The following XYLT1 variants were observed in gnomAD, a reference collection of about 807,000 sequenced individuals.
The protein encoded by XYLT1 is beta-D-xylosyltransferase 1.
A neutral mutation model predicts 91.3 loss-of-function variants in XYLT1; 36 were observed. The observed-to-expected ratio is 0.39, with a 90% CI of 0.30 to 0.52. The LOEUF (loss-of-function observed/expected upper bound fraction) is 0.52, where lower values mean the gene tolerates loss of function less well. Among genes scored for constraint, XYLT1 ranks in the 20% least tolerant of loss-of-function variants. The pLI is 0.68. For synonymous variants in XYLT1, 588 were observed against 532.0 expected, an observed-to-expected ratio of 1.11 and a Z score of -1.45; for missense variants, 1,242 against 1,284.5, an observed-to-expected ratio of 0.97 and a Z score of 0.51.
chr16:17,247,041 G>A lies in XYLT1; in HGVS notation c.913+11947C>T, dbSNP rs1343021014. Among the ~76,000 whole-genome samples, 4 of 151,568 alleles carry A rather than the reference G, an allele frequency of 2.6e-5. No individual in the cohort carries two copies. In the South Asian group the frequency reaches 6.3e-4, roughly 24 times the overall value. ...GGCATTGATATGAATTCCTAGCCCT[G>A]GACTGCCAAGTAATTTGAGAGAGGA... On this transcript the variant is annotated intron_variant, in intron 3 of 11. Coordinates refer to ENST00000261381, the MANE Select transcript of XYLT1 (RefSeq NM_022166.4).
In XYLT1 at chr16:17,203,219, TGTAA is replaced by T. The variant is rs139466593; in HGVS notation, c.914-2569_914-2566del. Among the ~76,000 whole-genome samples the T allele has an allele frequency of 9.6e-3, 1,457 of 152,344 alleles. 25 individuals carry two copies. The highest frequency in any genetic ancestry group is 0.033 in the African/African-American group (1,377 of 41,586). On this transcript the variant is annotated intron_variant, in intron 3 of 11. Transcript: ENST00000261381. ...GTTGCTTGTTGCTAACCAAATACTT[TGTAA>T]GTTAGTTATTGCAGGCAGGTAGGCA...
At chr16:17,379,798 T>C (rs1362396136) in intron 1 of XYLT1, among the ~76,000 whole-genome samples, 1 of 94,848 alleles carries the variant, frequency 1.1e-5, no homozygotes, top group African/African-American at 4.7e-5. Context: ...CACACACCCC[T>C]TACCTCCAGA....
chr16:17,381,691 T>G (rs1227626978), intron 1 of XYLT1, among the ~76,000 whole-genome samples: 1 of 152,120 alleles, frequency 6.6e-6, no homozygotes, highest in African/African-American at 2.4e-5. Flanking sequence ...CCTCCCAAAG[T>G]GCTGGGAATA....
chr16:17,225,951 C>T (rs947063085), intron 3 of XYLT1, among the ~76,000 whole-genome samples: 3 of 152,004 alleles, frequency 2.0e-5, no homozygotes, highest in African/African-American at 7.2e-5. Flanking sequence ...TTACCTTACC[C>T]CTAAGAACAT....
chr16:17,466,277 T>C (rs2036895596), intron 1 of XYLT1, among the ~76,000 whole-genome samples: 1 of 152,214 alleles, frequency 6.6e-6, no homozygotes, highest in Non-Finnish European at 1.5e-5. Context: ...CAACCTCACC[T>C]GTGCAGTCCA....
At chr16:17,370,016 A>G (rs2141873625) in intron 1 of XYLT1, among the ~76,000 whole-genome samples, 1 of 152,246 alleles carries the variant, frequency 6.6e-6, no homozygotes, top group African/African-American at 2.4e-5. Flanking sequence ...ATGGCCTGGG[A>G]TAGAACATCC....
intron 9 of XYLT1, among the ~76,000 whole-genome samples, chr16:17,133,047 A>G (rs1312587919): frequency 2.0e-5 from 3 of 152,074 alleles, no homozygotes; most frequent in Non-Finnish European, 4.4e-5. Context: ...TGACTTGCCC[A>G]AGGTCAATAG....
At chr16:17,391,794 G>T (rs1048770611) in intron 1 of XYLT1, among the ~76,000 whole-genome samples, 6 of 152,148 alleles carry the variant, frequency 3.9e-5, no homozygotes, top group Non-Finnish European at 8.8e-5. Flanking sequence ...AGTCATGGGG[G>T]TAGTTTCCCC....
intron 6 of XYLT1, among the ~76,000 whole-genome samples, chr16:17,142,310 C>A (rs1426152870): frequency 6.6e-6 from 1 of 152,094 alleles, no homozygotes; most frequent in Admixed American, 6.6e-5. Context: ...TAGGTGTGAG[C>A]TACTGCATGG....
intron 2 of XYLT1, among the ~76,000 whole-genome samples, chr16:17,347,831 G>A (rs74013025): frequency 0.055 from 8,371 of 152,282 alleles, 703 homozygotes; most frequent in African/African-American, 0.18. Context: ...ACTAACAAGG[G>A]AGGTGCTATG....
At chr16:17,418,260 C>G (rs1308932541) in intron 1 of XYLT1, among the ~76,000 whole-genome samples, 1 of 152,172 alleles carries the variant, frequency 6.6e-6, no homozygotes, top group Non-Finnish European at 1.5e-5. Context: ...GCAGCTAGGA[C>G]TAGATGCTTA....
At chr16:17,355,248 T>A (rs886508654) in intron 2 of XYLT1, 1 of 153,086 alleles carries the variant, frequency 6.5e-6, no homozygotes, top group East Asian at 1.9e-4. Flanking sequence ...CCCATGAGGG[T>A]TTTGAAGGGC....
intron 1 of XYLT1, among the ~76,000 whole-genome samples, chr16:17,394,178 A>C (rs2035856167): frequency 6.6e-6 from 1 of 152,200 alleles, no homozygotes; most frequent in African/African-American, 2.4e-5. Context: ...ATTAATGAAA[A>C]TGAAATAAAA....
chr16:17,414,547 G>T (rs897038709), intron 1 of XYLT1, among the ~76,000 whole-genome samples: 4 of 152,146 alleles, frequency 2.6e-5, no homozygotes, highest in Non-Finnish European at 4.4e-5. Context: ...ACGGACCCGT[G>T]GATGAGTCTC....
intron 3 of XYLT1, among the ~76,000 whole-genome samples, chr16:17,228,915 C>T (rs1461454546): frequency 6.6e-6 from 1 of 152,144 alleles, no homozygotes; most frequent in Non-Finnish European, 1.5e-5. Context: ...GCATTTGTCT[C>T]AGGCCACACA....
At chr16:17,150,776 G>T (rs898256993) in intron 6 of XYLT1, among the ~76,000 whole-genome samples, 1 of 152,154 alleles carries the variant, frequency 6.6e-6, no homozygotes, top group African/African-American at 2.4e-5. Context: ...TGCTATATAG[G>T]AACAAATATG....
intron 3 of XYLT1, among the ~76,000 whole-genome samples, chr16:17,251,831 A>AC (rs2033544052): frequency 6.6e-6 from 1 of 152,052 alleles, no homozygotes; most frequent in African/African-American, 2.4e-5. Flanking sequence ...GCTTCTGGGG[A>AC]AGAGGTGGTC....
chr16:17,460,261 T>C (rs1022655453), intron 1 of XYLT1, among the ~76,000 whole-genome samples: 3 of 151,792 alleles, frequency 2.0e-5, no homozygotes, highest in South Asian at 2.1e-4. Flanking sequence ...AAACACAGAG[T>C]GAGGGGCAGA....
At chr16:17,179,461 G>T (rs2032018073) in intron 5 of XYLT1, among the ~76,000 whole-genome samples, 1 of 152,068 alleles carries the variant, frequency 6.6e-6, no homozygotes, top group African/African-American at 2.4e-5. Flanking sequence ...TAACTTTCTG[G>T]CATATCCGTC....
Sources: allele counts gnomAD v4.1 joint callset (sites outside exome capture counted in the v4.1 genomes callset), GRCh38; gene constraint gnomAD v4.1.1; transcripts MANE v1.5; gene names NCBI Gene and HGNC (gene_info 2026-07-23, HGNC 2026-07-21).